TRDN: variants seen among roughly 807,000 people sequenced by gnomAD.
TRDN encodes triadin.
In TRDN, 161 loss-of-function variants were observed where a neutral mutation model predicts 149.7. The observed-to-expected ratio is 1.08, with a 90% CI of 0.95 to 1.23. The LOEUF is 1.23. Ranked by LOEUF, TRDN falls within the 50% of genes most tolerant of loss-of-function variation. The probability of loss-of-function intolerance (pLI) is 0.00; values close to 1 mark genes in which losing one functional copy is unlikely to be tolerated. For synonymous variants in TRDN, 294 were observed against 250.5 expected, an observed-to-expected ratio of 1.17 and a Z score of -1.64; for missense variants, 896 against 823.5, an observed-to-expected ratio of 1.09 and a Z score of -1.08.
chr6:123,308,119 T>C (rs920384260), intron 24 of TRDN, among the ~76,000 whole-genome samples: 3 of 152,078 alleles, frequency 2.0e-5, no homozygotes, highest in Admixed American at 1.3e-4. Flanking sequence ...AGTATTTGCT[T>C]TTCTGTTCCT....
chr6:123,566,523 T>C (rs1220723818), intron 2 of TRDN, among the ~76,000 whole-genome samples: 1 of 152,232 alleles, frequency 6.6e-6, no homozygotes, highest in Non-Finnish European at 1.5e-5. Context: ...TTTTCATTTC[T>C]CTATGAACAA....
intron 4 of TRDN, among the ~76,000 whole-genome samples, chr6:123,541,584 T>C (rs1780838039): frequency 6.6e-6 from 1 of 152,120 alleles, no homozygotes; most frequent in African/African-American, 2.4e-5. Flanking sequence ...GAAAGACAGG[T>C]AGAAGATAAA....
intron 38 of TRDN, among the ~76,000 whole-genome samples, chr6:123,228,652 A>G (rs1199051438): frequency 6.6e-6 from 1 of 151,924 alleles, no homozygotes; most frequent in African/African-American, 2.4e-5. Context: ...ATATGGAAAT[A>G]TAGTTCAAGA....
chr6:123,337,264 A>T (rs536231584), intron 22 of TRDN, among the ~76,000 whole-genome samples: 1 of 152,176 alleles, frequency 6.6e-6, no homozygotes, highest in East Asian at 1.9e-4. Flanking sequence ...TATGCACTAA[A>T]TATATATTTT....
intron 20 of TRDN, among the ~76,000 whole-genome samples, chr6:123,356,320 T>C (rs1222013550): frequency 6.6e-6 from 1 of 151,404 alleles, no homozygotes; most frequent in African/African-American, 2.4e-5. Flanking sequence ...CAAATGTATC[T>C]ACTATGATGA....
At chr6:123,334,704 T>A (rs1779798142) in intron 22 of TRDN, among the ~76,000 whole-genome samples, 1 of 147,858 alleles carries the variant, frequency 6.8e-6, no homozygotes, top group Non-Finnish European at 1.5e-5. Context: ...ATTCTCCTGA[T>A]TTTTTTTTTC....
chr6:123,531,061 A>G (rs1780230677), intron 4 of TRDN, among the ~76,000 whole-genome samples: 1 of 151,998 alleles, frequency 6.6e-6, no homozygotes, highest in Admixed American at 6.6e-5. Context: ...ATTACATTTA[A>G]CCAATAATTA....
chr6:123,225,669 A>C (rs995144794), intron 38 of TRDN, among the ~76,000 whole-genome samples: 1 of 151,740 alleles, frequency 6.6e-6, no homozygotes, highest in African/African-American at 2.4e-5. Flanking sequence ...ATATATATAT[A>C]ATTTTTATTT....
At chr6:123,489,614 CT>C (rs748833368) in intron 9 of TRDN, 3 of 152,108 alleles carry the variant, frequency 2.0e-5, no homozygotes, top group Admixed American at 6.5e-5. Context: ...ATGTAAGGCA[CT>C]TTATGGAAAC....
At chr6:123,517,995 CTG>C (rs1357091626) in intron 5 of TRDN, among the ~76,000 whole-genome samples, 1 of 152,064 alleles carries the variant, frequency 6.6e-6, no homozygotes, top group African/African-American at 2.4e-5. Flanking sequence ...ATAGTGGACT[CTG>C]TAATATTTTT....
chr6:123,543,657 T>A (rs1009063974), intron 4 of TRDN, among the ~76,000 whole-genome samples: 3 of 152,154 alleles, frequency 2.0e-5, no homozygotes, highest in African/African-American at 7.2e-5. Context: ...AAATTTTTCA[T>A]CATAAGTTGA....
chr6:123,381,062 CTAAATTTACAAAAACA>C (rs767799137), intron 16 of TRDN, among the ~76,000 whole-genome samples: 3 of 152,106 alleles, frequency 2.0e-5, no homozygotes, highest in Non-Finnish European at 4.4e-5. Flanking sequence ...CAGATTAGGA[CTAAATTTACAAAAACA>C]TAAGTCAGTT....
chr6:123,358,295 T>C (rs1780763480), intron 20 of TRDN, among the ~76,000 whole-genome samples: 2 of 152,212 alleles, frequency 1.3e-5, no homozygotes, highest in South Asian at 4.1e-4. Context: ...GGCTATTCTT[T>C]AGCTAAACTG....
intron 13 of TRDN, among the ~76,000 whole-genome samples, chr6:123,389,957 A>C (rs539374602): frequency 4.3e-4 from 66 of 152,300 alleles, no homozygotes; most frequent in Non-Finnish European, 7.1e-4. Context: ...GACTCAACAG[A>C]CTTTGTTGTT....
rs372026370 is a variant in TRDN at position 123,627,529 on chromosome 6, G to T, written c.22+9225C>A. ...AGAGCACAGGCAAAGTAAATTTATT[G>T]TAATTCTTTAGAGCCCTGGAATTGT... On this transcript the variant is annotated intron_variant, in intron 1 of 40. Coordinates refer to ENST00000334268, the MANE Select transcript of TRDN (RefSeq NM_006073.4). Among the ~76,000 whole-genome samples the T allele has an allele frequency of 2.1e-4, 32 of 152,218 alleles. 1 individual carries two copies. In the East Asian group the frequency reaches 5.4e-3, roughly 26 times the overall value.
At chr6:123,422,126 G>T (rs1273130898) in intron 12 of TRDN, among the ~76,000 whole-genome samples, 2 of 152,092 alleles carry the variant, frequency 1.3e-5, no homozygotes, top group African/African-American at 4.8e-5. Context: ...ACATTTGGGA[G>T]GATGTGCGTA....
In TRDN at chr6:123,377,707, C is replaced by A; in HGVS notation, c.1246+9G>T. 6.2e-7 allele frequency: 1 copy of A among 1,613,072 alleles called. No homozygotes were observed. The highest frequency in any genetic ancestry group is 1.1e-5 in the South Asian group (1 of 91,014). ...GTATTCGGAATCCAGCAACAGTGGTCTTACTCACCTGAGTGTTCTTTCTTT... is the reference window on the plus strand; with the variant it reads ...GTATTCGGAATCCAGCAACAGTGGTATTACTCACCTGAGTGTTCTTTCTTT... On this transcript the variant is annotated intron_variant, in intron 18 of 40. Transcript: ENST00000334268.
At chr6:123,546,598 A>G (rs192394100) in intron 4 of TRDN, among the ~76,000 whole-genome samples, 537 of 152,212 alleles carry the variant, frequency 3.5e-3, no homozygotes, top group Non-Finnish European at 5.0e-3. Context: ...CTCACAACAA[A>G]TGTACCTCAA....
chr6:123,610,076 T>C lies in TRDN; in HGVS notation c.22+26678A>G, dbSNP rs140983276. ...GTGATTTCAAAAATAGCTTTAATTT[T>C]CACCTGTCCAGTTGACTTCACAAGT... On this transcript the variant is annotated intron_variant, in intron 1 of 40. Transcript: ENST00000334268. Among the ~76,000 whole-genome samples, 917 of 152,318 alleles carry C rather than the reference T, an allele frequency of 6.0e-3. 6 individuals carry two copies. Among genetic ancestry groups the C allele is most frequent in the Middle Eastern group, 0.01 (3 of 294 alleles).
Sources: gnomAD v4.1 joint callset for allele counts (sites outside exome capture counted in the v4.1 genomes callset) on GRCh38, gnomAD v4.1.1 for gene constraint, MANE v1.5 for transcripts, NCBI Gene and HGNC (gene_info 2026-07-23, HGNC 2026-07-21) for gene names.